The following ANKRD31 variants were observed in gnomAD, a reference collection of about 807,000 sequenced individuals.
ANKRD31 encodes ankyrin repeat domain 31.
ANKRD31 carries 147 observed loss-of-function variants against 186.0 expected under a neutral mutation model. The observed-to-expected ratio is 0.79, with a 90% CI of 0.69 to 0.91. The LOEUF (loss-of-function observed/expected upper bound fraction) is 0.91. ANKRD31 is among the 40% of genes least tolerant of loss of function. The pLI, the probability that ANKRD31 is intolerant of heterozygous loss-of-function variation, is 0.00. For synonymous variants in ANKRD31, 673 were observed against 736.4 expected (o/e 0.91, Z 1.39); for missense variants, 1,986 against 2,148.8 (o/e 0.92, Z 1.50).
At position 75,169,107 on chromosome 5, in the gene ANKRD31, G is replaced by A. The variant is rs1753135230; in HGVS notation, c.1579C>T (p.His527Tyr). The A allele has an allele frequency of 6.5e-7, 1 of 1,536,856 alleles. No homozygotes were observed. Among genetic ancestry groups the A allele is most frequent in the Non-Finnish European group, 8.7e-7 (1 of 1,146,486 alleles). ...QPSYAGWTAL[H>Y]EASVGGFYRT... ...TAAAATCCTCCTACACTAGCTTCAT[G>A]AAGTGCTGTCCAACCTATCATACAA... Residue 527 changes from histidine (H) to tyrosine (Y), a missense_variant, in exon 11 of 26, where the codon CAT becomes TAT. Physicochemically the swap from His to Tyr is moderately conservative, Grantham distance 83 (BLOSUM62 2). Transcript: ENST00000506364.
At chr5:75,179,021 A>T in intron 10 of ANKRD31, among the ~76,000 whole-genome samples, 1 of 152,182 alleles carries the variant, frequency 6.6e-6, no homozygotes, top group African/African-American at 2.4e-5. Flanking sequence ...AGAAGAATCA[A>T]ATAGACGCAA....
intron 25 of ANKRD31, among the ~76,000 whole-genome samples, chr5:75,073,261 C>T (rs990748053): frequency 1.3e-5 from 2 of 151,052 alleles, no homozygotes; most frequent in East Asian, 3.9e-4. Flanking sequence ...CCTGCCACTG[C>T]ACTCCAGCTT....
intron 17 of ANKRD31, among the ~76,000 whole-genome samples, chr5:75,120,912 C>T (rs113214177): frequency 0.026 from 3,923 of 152,080 alleles, 60 homozygotes; most frequent in Non-Finnish European, 0.039. Flanking sequence ...ATAAAGGGTG[C>T]GGTGGCTCAC....
At chr5:75,087,785 T>C (rs1745615331) in intron 23 of ANKRD31, among the ~76,000 whole-genome samples, 1 of 152,184 alleles carries the variant, frequency 6.6e-6, no homozygotes. Flanking sequence ...TAGGAATTCA[T>C]AATATAAGAC....
At chr5:75,087,697 T>C (rs1432827323) in intron 23 of ANKRD31, among the ~76,000 whole-genome samples, 1 of 152,132 alleles carries the variant, frequency 6.6e-6, no homozygotes, top group African/African-American at 2.4e-5. Context: ...AAACTGTAGG[T>C]TTTCTTTTAA....
intron 7 of ANKRD31, among the ~76,000 whole-genome samples, chr5:75,194,836 G>A (rs1755353978): frequency 6.6e-6 from 1 of 151,980 alleles, no homozygotes. Flanking sequence ...GAAATAATTG[G>A]AGAGAGATAC....
chr5:75,161,795 C>CACAG (rs1205322012), intron 11 of ANKRD31, among the ~76,000 whole-genome samples: 3 of 152,184 alleles, frequency 2.0e-5, no homozygotes, highest in Non-Finnish European at 4.4e-5. Context: ...CTGAAAGGGA[C>CACAG]CTATGTAGAG....
In ANKRD31 at chr5:75,195,715, ACCTCC is replaced by A; in HGVS notation, c.928_932del (p.Gly310Ter). 1.1e-5 allele frequency: 17 copies of A among 1,537,168 alleles called. No individual in the cohort carries two copies. The highest frequency in any genetic ancestry group is 1.5e-5 in the Non-Finnish European group (17 of 1,146,774). ...ATTCATTTCTGGCAATGAGACTGCT[ACCTCC>A]CTCTTTTCTGTGACAGATGGTTTCC... On this transcript the variant is annotated frameshift_variant, in exon 7 of 26. Coordinates refer to ENST00000506364, the MANE Select transcript of ANKRD31 (RefSeq NM_001372053.1). LOFTEE classifies it high-confidence loss of function.
At chr5:75,126,753 G>T (rs1421641715) in intron 17 of ANKRD31, among the ~76,000 whole-genome samples, 1 of 152,154 alleles carries the variant, frequency 6.6e-6, no homozygotes, top group East Asian at 1.9e-4. Context: ...AGTCTGGCAA[G>T]AGATTTAGAC....
chr5:75,114,170 G>A (rs147261328), intron 19 of ANKRD31, among the ~76,000 whole-genome samples: 134 of 151,974 alleles, frequency 8.8e-4, no homozygotes, highest in African/African-American at 2.7e-3. Context: ...GATGGGTTTC[G>A]CAGCAAAGTT....
chr5:75,113,267 A>G (rs1293882009), intron 19 of ANKRD31, among the ~76,000 whole-genome samples: 1 of 152,180 alleles, frequency 6.6e-6, no homozygotes, highest in Non-Finnish European at 1.5e-5. Flanking sequence ...TCTATAACAC[A>G]TGAAAATGCT....
rs1414886633 is a variant in ANKRD31, at chr5:75,199,941, C to CT, written c.404-268dup. Among the ~76,000 whole-genome samples, 6 of 152,128 alleles carry CT rather than the reference C, an allele frequency of 3.9e-5. No homozygotes were observed. The East Asian group carries it at 1.2e-3, about 29-fold the overall frequency. ...TTATTTTAGCTAAAAACCAAGAACT[C>CT]TATTTTGGCTGAATTATACTAAGTA... On this transcript the variant is annotated intron_variant, in intron 5 of 25. Transcript: ENST00000506364.
intron 25 of ANKRD31, 53 bp from the exon 26 acceptor site, chr5:75,068,717 T>C (rs1743962411): frequency 7.0e-7 from 1 of 1,433,106 alleles, no homozygotes; most frequent in Non-Finnish European, 9.1e-7. Context: ...ATTTAAGATG[T>C]AAATTTTGCT....
At chr5:75,121,446 T>C (rs915648290) in intron 17 of ANKRD31, among the ~76,000 whole-genome samples, 2 of 152,144 alleles carry the variant, frequency 1.3e-5, no homozygotes, top group African/African-American at 4.8e-5. Flanking sequence ...AATTGAACTT[T>C]AGACCAAATG....
chr5:75,178,372 C>A (rs1387987958), intron 10 of ANKRD31, among the ~76,000 whole-genome samples: 1 of 152,188 alleles, frequency 6.6e-6, no homozygotes, highest in East Asian at 1.9e-4. Flanking sequence ...CTCAGCTCTG[C>A]ACCAAGCAGA....
chr5:75,210,783 C>T, intron 4 of ANKRD31, 45 bp downstream of exon 4: 1 of 1,362,986 alleles, frequency 7.3e-7, no homozygotes, highest in Non-Finnish European at 9.7e-7. Flanking sequence ...TGCAAAATGA[C>T]AAAAATACCT....
chr5:75,146,014 C>A lies in ANKRD31; in HGVS notation c.3397G>T (p.Glu1133Ter), dbSNP rs1175641026. Residue 1133 changes from glutamate to a stop codon, truncating the protein, a stop_gained, in exon 14 of 26, where the codon GAA (glutamate) becomes TAA (stop). Transcript: ENST00000506364. LOFTEE classifies it high-confidence loss of function. ...LANISKLSQR[E>*]KKEISHKPDE... ...GGTTTGTGAGAAATTTCCTTCTTTT[C>A]TCTTTGACTAAGTTTTGAGATGTTG... The A allele has an allele frequency of 2.0e-6, 3 of 1,493,066 alleles. No homozygotes were observed. The highest frequency in any genetic ancestry group is 2.5e-5 in the East Asian group (1 of 40,418). 92.5% of individuals were successfully genotyped at this position (1,493,066 alleles called of 1,614,324 possible).
intron 15 of ANKRD31, among the ~76,000 whole-genome samples, chr5:75,142,330 G>C (rs555396727): frequency 6.6e-6 from 1 of 152,048 alleles, no homozygotes; most frequent in Admixed American, 6.5e-5. Flanking sequence ...GATCTTTAAT[G>C]TTCTTATCTT....
chr5:75,114,945 G>T (rs1186124501), intron 19 of ANKRD31, among the ~76,000 whole-genome samples: 1 of 151,970 alleles, frequency 6.6e-6, no homozygotes, highest in African/African-American at 2.4e-5. Context: ...AGCCCGCATC[G>T]CCAAGTCAAT....
Sources: allele counts gnomAD v4.1 joint callset (sites outside exome capture counted in the v4.1 genomes callset), GRCh38; gene constraint gnomAD v4.1.1; transcripts MANE v1.5; gene names NCBI Gene and HGNC (gene_info 2026-07-23, HGNC 2026-07-21).